Variants in SP3 observed in about 807,000 individuals in gnomAD.
SP3 encodes Sp3 transcription factor.
In SP3, 10 loss-of-function variants were observed where a neutral mutation model predicts 70.3. That is an observed-to-expected ratio of 0.14 (90% confidence interval 0.09 to 0.24). SP3 has a LOEUF of 0.24. Ranked by LOEUF, SP3 falls within the 10% of genes least tolerant of loss-of-function variation. SP3 has a pLI of 1.00. For synonymous variants in SP3, 402 were observed against 333.5 expected, an observed-to-expected ratio of 1.21 and a Z score of -2.24; for missense variants, 825 against 914.6, an observed-to-expected ratio of 0.90 and a Z score of 1.26.
chr2:173,937,318 T>C (rs1690237675), intron 4 of SP3, among the ~76,000 whole-genome samples: 1 of 152,202 alleles, frequency 6.6e-6, no homozygotes, highest in African/African-American at 2.4e-5. Context: ...GTGTGACTGG[T>C]TATCCCCTGA....
intron 5 of SP3, chr2:173,915,419 G>C (rs1193684288): frequency 1.3e-5 from 2 of 152,038 alleles, no homozygotes; most frequent in African/African-American, 4.8e-5. Context: ...CAAAGTTCAG[G>C]AATAAAAGAT....
chr2:173,919,360 C>A lies in SP3; in HGVS notation c.1640-575G>T, dbSNP rs75262835. On this transcript the variant is annotated intron_variant, in intron 4 of 6. Coordinates refer to ENST00000310015, the MANE Select transcript of SP3 (RefSeq NM_003111.5). ...CCATAAAATCAATTAATGTAGTAAG[C>A]CCTAAATAATTCTCCTTTGCATACC... Among the ~76,000 whole-genome samples the A allele has an allele frequency of 1.1e-4, 16 of 152,252 alleles. No homozygotes were observed. In the East Asian group the frequency reaches 2.9e-3, roughly 28 times the overall value.
At chr2:173,964,704 GGCTC>G in intron 1 of SP3, 151 bp from the exon 2 acceptor site, 1 of 381,488 alleles carries the variant, frequency 2.6e-6, no homozygotes, top group Non-Finnish European at 4.6e-6. Flanking sequence ...CGGCGGCGGC[GGCTC>G]CCTCCTCCCC....
chr2:173,965,530 T>C, upstream of SP3: 1 of 261,242 alleles, frequency 3.8e-6, no homozygotes, highest in East Asian at 9.9e-5. Context: ...TGAGCGGCCG[T>C]GGCAGCGTAG....
At chr2:173,965,588 TC>T (rs1279473523), upstream of SP3, 1 of 206,448 alleles carries the variant, frequency 4.8e-6, no homozygotes, top group East Asian at 1.6e-4. Flanking sequence ...TGTGCCCGCC[TC>T]CCTCGCCGGC....
In SP3 at chr2:173,903,256, C is replaced by A. The variant is rs1689220995; in HGVS notation, c.*6685G>T. On this transcript the variant is annotated 3_prime_UTR_variant, in exon 7 of 7. Coordinates refer to ENST00000310015, the MANE Select transcript of SP3 (RefSeq NM_003111.5). ...ATGGAAAGTGGTTTACATGCATTAA[C>A]TTATTTATCTCCATAATCACTCTAT... Among the ~76,000 whole-genome samples the A allele has an allele frequency of 6.6e-6, 1 of 152,162 alleles. No individual in the cohort carries two copies. Among genetic ancestry groups the A allele is most frequent in the Non-Finnish European group, 1.5e-5 (1 of 68,030 alleles).
chr2:173,965,313 TTGAC>T lies in SP3; in HGVS notation c.-146_-143del, dbSNP rs1247572917. The T allele has an allele frequency of 4.1e-6, 4 of 982,490 alleles. No homozygotes were observed. Among genetic ancestry groups the T allele is most frequent in the South Asian group, 1.5e-5 (1 of 67,042 alleles). The allele number at this position is 982,490 out of a possible 1,614,324, so 60.9% of individuals were successfully genotyped here. ...CGGGGATTTTTTTTTCCTATTTTGA[TTGAC>T]TGTGCGGGAAACACAAAAGGTGGAG... On this transcript the variant is annotated 5_prime_UTR_variant, in exon 1 of 7. Coordinates refer to ENST00000310015, the MANE Select transcript of SP3 (RefSeq NM_003111.5).
At chr2:173,953,333 T>C (rs1405750580) in intron 4 of SP3, among the ~76,000 whole-genome samples, 1 of 152,226 alleles carries the variant, frequency 6.6e-6, no homozygotes, top group Non-Finnish European at 1.5e-5. Context: ...GTGAAGGACC[T>C]CTGAGAGGGT....
At chr2:173,920,372 G>C (rs1344050509) in intron 4 of SP3, among the ~76,000 whole-genome samples, 1 of 152,096 alleles carries the variant, frequency 6.6e-6, no homozygotes, top group Non-Finnish European at 1.5e-5. Context: ...GCATACATTT[G>C]TTCAAACTTA....
chr2:173,959,446 ACAGGGC>A (rs955082721), intron 3 of SP3, among the ~76,000 whole-genome samples: 6 of 150,524 alleles, frequency 4.0e-5, no homozygotes, highest in African/African-American at 1.5e-4. Context: ...TACAACCGTG[ACAGGGC>A]CGGTGGCTCA....
intron 4 of SP3, among the ~76,000 whole-genome samples, chr2:173,950,794 A>G (rs1019568078): frequency 2.6e-5 from 4 of 152,228 alleles, no homozygotes; most frequent in African/African-American, 9.6e-5. Context: ...GCATCTTAAC[A>G]TATCTCCCTT....
intron 5 of SP3, chr2:173,915,252 GGTTGC>G (rs2105456535): frequency 6.6e-6 from 1 of 151,924 alleles, no homozygotes; most frequent in South Asian, 2.1e-4. Context: ...ATAGGGGCGG[GGTTGC>G]ACACATATTT....
chr2:173,938,934 A>T (rs1374692546), intron 4 of SP3, among the ~76,000 whole-genome samples: 2 of 151,960 alleles, frequency 1.3e-5, no homozygotes, highest in Non-Finnish European at 2.9e-5. Context: ...GTGTGAAGCC[A>T]TTTTTTTTAT....
intron 4 of SP3, among the ~76,000 whole-genome samples, chr2:173,931,505 G>A (rs190803291): frequency 3.9e-5 from 6 of 152,018 alleles, no homozygotes; most frequent in African/African-American, 1.2e-4. Flanking sequence ...CATCATGCCC[G>A]GCTAATTTTT....
At chr2:173,959,376 T>C (rs1213237719) in intron 3 of SP3, among the ~76,000 whole-genome samples, 1 of 151,144 alleles carries the variant, frequency 6.6e-6, no homozygotes, top group Non-Finnish European at 1.5e-5. Flanking sequence ...TGAAAAATGT[T>C]TGATGTTAGA....
intron 5 of SP3, 121 bp from the exon 6 acceptor site, chr2:173,913,387 T>C: frequency 1.4e-6 from 1 of 711,982 alleles, no homozygotes; most frequent in African/African-American, 1.8e-5. Flanking sequence ...ACAAAGTCAA[T>C]CAGAAACCAA....
chr2:173,946,813 C>T (rs950271139), intron 4 of SP3, among the ~76,000 whole-genome samples: 2 of 151,026 alleles, frequency 1.3e-5, no homozygotes, highest in African/African-American at 2.4e-5. Context: ...CCTCAACCTG[C>T]CAGGCTCAAG....
chr2:173,912,744 A>G (rs1361868134), intron 6 of SP3, among the ~76,000 whole-genome samples: 2 of 152,108 alleles, frequency 1.3e-5, no homozygotes, highest in East Asian at 1.9e-4. Flanking sequence ...GAAAAAAAAT[A>G]GGATAGATCA....
Position 173,965,269 on chromosome 2 carries a change from G to T in SP3, c.-98C>A. 2 of 1,379,576 alleles carry T rather than the reference G, an allele frequency of 1.4e-6. No individual in the cohort carries two copies. The highest frequency in any genetic ancestry group is 1.5e-5 in the African/African-American group (1 of 68,964). The allele number at this position is 1,379,576 out of a possible 1,614,324, so 85.5% of individuals were successfully genotyped here. A position where few individuals can be genotyped will look rare whatever the true frequency, so the allele number is the denominator to read the frequency against. On this transcript the variant is annotated 5_prime_UTR_variant, in exon 1 of 7. Coordinates refer to ENST00000310015, the MANE Select transcript of SP3 (RefSeq NM_003111.5). Reference sequence around the variant, plus strand: ...GGGAGAGGATGCGGGAAGCGGCGGCGGACACGGCCGGAGCGGTCCGGGGAT... The same window carrying T: ...GGGAGAGGATGCGGGAAGCGGCGGCTGACACGGCCGGAGCGGTCCGGGGAT...
Sources: allele counts gnomAD v4.1 joint callset (sites outside exome capture counted in the v4.1 genomes callset), GRCh38; gene constraint gnomAD v4.1.1; transcripts MANE v1.5; gene names NCBI Gene and HGNC (gene_info 2026-07-23, HGNC 2026-07-21).